The following ADAMTSL1 variants were observed in gnomAD, a reference collection of about 807,000 sequenced individuals.
The protein encoded by ADAMTSL1 is ADAMTS like 1, also known as ADAMTS-like protein 1.
ADAMTSL1 carries 126 observed loss-of-function variants against 201.8 expected under a neutral mutation model. That is an observed-to-expected ratio of 0.62 (90% CI 0.54 to 0.72). The LOEUF (loss-of-function observed/expected upper bound fraction) is 0.72, where lower values mean the gene tolerates loss of function less well. Among genes scored for constraint, ADAMTSL1 ranks in the 30% least tolerant of loss-of-function variants. The pLI is 0.00. For missense variants in ADAMTSL1, 2,679 were observed against 2,277.8 expected, an observed-to-expected ratio of 1.18 and a Z score of -3.59; for synonymous variants, 1,121 against 903.4, an observed-to-expected ratio of 1.24 and a Z score of -4.32.
At position 17,926,441 on chromosome 9, in the gene ADAMTSL1, G is replaced by T. The variant is rs184501881; in HGVS notation, c.87+19519G>T. Among the ~76,000 whole-genome samples the T allele has an allele frequency of 6.6e-5, 10 of 150,968 alleles. No homozygotes were observed. In the East Asian group the frequency reaches 2.0e-3, roughly 30 times the overall value. ...GATCGTCAGGAACGCTTGGCTCACT[G>T]GGCGTACTCAGGAATCCATGCTGAC... is the stretch of plus-strand genomic sequence containing the variant. On this transcript the variant is annotated intron_variant, in intron 1 of 29. Coordinates refer to the ADAMTSL1 transcript ENST00000680146.
At chr9:18,509,886 T>A (rs527383590) in intron 2 of ADAMTSL1, among the ~76,000 whole-genome samples, 1 of 152,354 alleles carries the variant, frequency 6.6e-6, no homozygotes, top group Admixed American at 6.5e-5. Flanking sequence ...TGTAATGGGA[T>A]AATGAACTTC....
At chr9:18,294,240 T>C (rs1833384127) in intron 2 of ADAMTSL1, among the ~76,000 whole-genome samples, 1 of 152,102 alleles carries the variant, frequency 6.6e-6, no homozygotes, top group South Asian at 2.1e-4. Flanking sequence ...ATTAGTGGAG[T>C]GGGATGCTTT....
chr9:18,536,499 A>G (rs1819783995), intron 3 of ADAMTSL1, among the ~76,000 whole-genome samples: 1 of 151,668 alleles, frequency 6.6e-6, no homozygotes. Context: ...TTTATTGCCA[A>G]CCACTCTATA....
At chr9:18,670,191 T>A (rs1829727552) in intron 9 of ADAMTSL1, among the ~76,000 whole-genome samples, 2 of 152,224 alleles carry the variant, frequency 1.3e-5, no homozygotes, top group Admixed American at 1.3e-4. Flanking sequence ...TGAAAGGTTC[T>A]GTGCTTGGTG....
intron 1 of ADAMTSL1, among the ~76,000 whole-genome samples, chr9:18,086,406 T>TA (rs998156911): frequency 6.1e-4 from 90 of 147,380 alleles, no homozygotes; most frequent in African/African-American, 1.7e-3. Context: ...TTTAGTGAAT[T>TA]AAAAAAAAAA....
intron 20 of ADAMTSL1, 51 bp downstream of exon 20, chr9:18,795,575 G>C: frequency 1.0e-5 from 16 of 1,534,912 alleles, no homozygotes; most frequent in Non-Finnish European, 1.4e-5. Context: ...TATTGAATGA[G>C]TGCCTATAGT....
chr9:18,246,027 C>T (rs545513648), intron 2 of ADAMTSL1, among the ~76,000 whole-genome samples: 1 of 152,236 alleles, frequency 6.6e-6, no homozygotes, highest in South Asian at 2.1e-4. Flanking sequence ...AAAGTTATTT[C>T]ATCCTATGTC....
intron 2 of ADAMTSL1, among the ~76,000 whole-genome samples, chr9:18,360,142 G>C (rs1373552901): frequency 6.6e-6 from 1 of 152,090 alleles, no homozygotes; most frequent in African/African-American, 2.4e-5. Flanking sequence ...AGGTTCCTGT[G>C]TCTGGTGTAG....
intron 1 of ADAMTSL1, among the ~76,000 whole-genome samples, chr9:18,007,603 G>C (rs550394125): frequency 7.3e-4 from 111 of 152,096 alleles, no homozygotes; most frequent in Non-Finnish European, 1.3e-3. Flanking sequence ...AAGCCCCAGA[G>C]TGCATGATTT....
chr9:18,323,135 C>G (rs990220107), intron 2 of ADAMTSL1, among the ~76,000 whole-genome samples: 1 of 152,100 alleles, frequency 6.6e-6, no homozygotes, highest in Non-Finnish European at 1.5e-5. Flanking sequence ...GCAAAATTCT[C>G]TAACAATGTG....
At chr9:18,022,506 C>T (rs897901316) in intron 1 of ADAMTSL1, among the ~76,000 whole-genome samples, 1 of 152,116 alleles carries the variant, frequency 6.6e-6, no homozygotes, top group African/African-American at 2.4e-5. Flanking sequence ...CATTTTTCCA[C>T]TTCCTCTAGG....
chr9:17,982,818 G>T (rs1044305851), intron 1 of ADAMTSL1, among the ~76,000 whole-genome samples: 1 of 151,882 alleles, frequency 6.6e-6, no homozygotes, highest in Non-Finnish European at 1.5e-5. Flanking sequence ...AATACCATCA[G>T]AATAAGCAGT....
At chr9:18,780,988 T>C (rs1370529033) in intron 19 of ADAMTSL1, among the ~76,000 whole-genome samples, 1 of 152,250 alleles carries the variant, frequency 6.6e-6, no homozygotes. Flanking sequence ...CTTTAATCAC[T>C]GAACAATTTT....
At chr9:18,487,273 C>T (rs543179371) in intron 1 of ADAMTSL1, among the ~76,000 whole-genome samples, 3 of 152,268 alleles carry the variant, frequency 2.0e-5, no homozygotes, top group East Asian at 1.9e-4. Flanking sequence ...ATTGGAATCT[C>T]GTGTATAGAA....
intron 2 of ADAMTSL1, among the ~76,000 whole-genome samples, chr9:18,382,413 G>A (rs767185542): frequency 4.6e-5 from 7 of 152,070 alleles, no homozygotes; most frequent in African/African-American, 1.7e-4. Flanking sequence ...AATCCTGGCA[G>A]GAGAGATAAC....
At chr9:18,129,775 A>G (rs1037454283) in intron 1 of ADAMTSL1, among the ~76,000 whole-genome samples, 1 of 152,194 alleles carries the variant, frequency 6.6e-6, no homozygotes, top group African/African-American at 2.4e-5. Context: ...GAGAGTCAGA[A>G]CTGCAAAATG....
intron 2 of ADAMTSL1, among the ~76,000 whole-genome samples, chr9:18,509,456 G>C (rs67925511): frequency 0.21 from 31,506 of 152,046 alleles, 3,641 homozygotes; most frequent in African/African-American, 0.31. Flanking sequence ...CTAATCCTCA[G>C]TGGAATATCA....
chr9:18,799,252 AG>A (rs1455573863), intron 20 of ADAMTSL1, among the ~76,000 whole-genome samples: 1 of 152,218 alleles, frequency 6.6e-6, no homozygotes, highest in South Asian at 2.1e-4. Context: ...AACACTTTGA[AG>A]TATTAATTAC....
intron 2 of ADAMTSL1, among the ~76,000 whole-genome samples, chr9:18,268,156 A>C (rs1411214690): frequency 6.6e-6 from 1 of 152,186 alleles, no homozygotes; most frequent in Non-Finnish European, 1.5e-5. Flanking sequence ...TTTAGAATGC[A>C]ATTTATTAGA....
Sources: gnomAD v4.1 joint callset for allele counts (sites outside exome capture counted in the v4.1 genomes callset) on GRCh38, gnomAD v4.1.1 for gene constraint, MANE v1.5 for transcripts, NCBI Gene and HGNC (gene_info 2026-07-23, HGNC 2026-07-21) for gene names.